Variants in PRDM8 observed in about 807,000 individuals in gnomAD.
The protein encoded by PRDM8 is PR domain zinc finger protein 8.
A neutral mutation model predicts 46.5 loss-of-function variants in PRDM8; 13 were observed. The ratio of observed to expected loss-of-function variants is 0.28; its 90% CI spans 0.18 to 0.44. The LOEUF is 0.44. Among genes scored for constraint, PRDM8 ranks in the 20% least tolerant of loss-of-function variants. PRDM8 has a pLI of 1.00. For missense variants in PRDM8, 998 were observed against 955.0 expected (o/e 1.04, Z -0.59); for synonymous variants, 473 against 438.4 (o/e 1.08, Z -0.98).
At chr4:80,196,730 G>GAA (rs952025261), upstream of PRDM8, 1 of 884,212 alleles carries the variant, frequency 1.1e-6, no homozygotes, top group Non-Finnish European at 1.4e-6. Flanking sequence ...AAAACCCCAC[G>GAA]AAAACAAAAA....
Position 80,203,581 on chromosome 4 carries a change from A to G in PRDM8, c.*49A>G. ...ACGCGCGCGCAAGCACAGTTAAGCC[A>G]CCTGCAGGAATAAACACGCGAGAAC... is the stretch of plus-strand genomic sequence containing the variant. On this transcript the variant is annotated 3_prime_UTR_variant, in exon 4 of 4. Transcript: ENST00000415738. 6.5e-7 allele frequency: 1 copy of G among 1,534,704 alleles called. No individual in the cohort carries two copies. The highest frequency in any genetic ancestry group is 1.2e-5 in the South Asian group (1 of 80,532).
chr4:80,189,729 G>GTA (rs1350691591), intron 1 of PRDM8: 1 of 152,224 alleles, frequency 6.6e-6, no homozygotes, highest in African/African-American at 2.4e-5. Context: ...AAAGACTGAA[G>GTA]TATAGACCAG....
chr4:80,190,284 T>C (rs1316283356), intron 1 of PRDM8: 2 of 152,256 alleles, frequency 1.3e-5, no homozygotes, highest in Non-Finnish European at 2.9e-5. Flanking sequence ...ATGGCACTAA[T>C]TGCCGGTGGA....
chr4:80,203,220 C>CGCTGCCGCT lies in PRDM8; in HGVS notation c.1761_1769dup (p.Ala596_Ala598dup). 1 of 1,552,846 alleles carries CGCTGCCGCT rather than the reference C, an allele frequency of 6.4e-7. No homozygotes were observed. Reference sequence around the variant, plus strand: ...CCACCGCCTTCTGGCCCAAGAGCTCCGCTGCCGCTGCAGCCGCGGCTGCGG... The same window carrying CGCTGCCGCT: ...CCACCGCCTTCTGGCCCAAGAGCTCCGCTGCCGCTGCTGCCGCTGCAGCCGCGGCTGCGG... On this transcript the variant is annotated inframe_insertion, in exon 4 of 4. Transcript: ENST00000415738.
chr4:80,186,435 G>GAGAGAGAGAGAGAGAGAGAA, intron 1 of PRDM8, among the ~76,000 whole-genome samples: 2 of 151,088 alleles, frequency 1.3e-5, no homozygotes, highest in Non-Finnish European at 1.5e-5. Flanking sequence ...AGGGTGGAGA[G>GAGAGAGAGAGAGAGAGAGAA]AGAGAGAGAG....
intron 1 of PRDM8, among the ~76,000 whole-genome samples, chr4:80,186,053 G>T (rs920665825): frequency 6.6e-6 from 1 of 152,180 alleles, no homozygotes; most frequent in Non-Finnish European, 1.5e-5. Context: ...TGAATGGAGA[G>T]ATCCACTCTG....
upstream of PRDM8, chr4:80,194,007 T>G (rs1452291678): frequency 6.5e-6 from 1 of 152,748 alleles, no homozygotes; most frequent in East Asian, 1.9e-4. Context: ...GTTGAAATAT[T>G]TTGGGCTCCA....
At position 80,197,573 on chromosome 4, in the gene PRDM8, A is replaced by AC. The variant is rs1212246764; in HGVS notation, c.-186dup. On this transcript the variant is annotated 5_prime_UTR_variant, in exon 1 of 4. Coordinates refer to ENST00000415738, the MANE Select transcript of PRDM8 (RefSeq NM_001099403.2). ...TCTCTCTCCCTCCCTCCCTCCCTCC[A>AC]CCCCCCCAATCTTTTTCTCCCCATC... 6.5e-4 allele frequency: 229 copies of AC among 354,448 alleles called. No homozygotes were observed. The highest frequency in any genetic ancestry group is 3.6e-3 in the African/African-American group (70 of 19,686). 22.0% of individuals were successfully genotyped at this position (354,448 alleles called of 1,614,324 possible).
At chr4:80,198,802 A>C (rs1377382187) in intron 1 of PRDM8, among the ~76,000 whole-genome samples, 1 of 152,142 alleles carries the variant, frequency 6.6e-6, no homozygotes, top group Non-Finnish European at 1.5e-5. Context: ...TTGCAGGAAA[A>C]GAATTAGATC....
In PRDM8 at chr4:80,203,427, G is replaced by A; in HGVS notation, c.1965G>A (p.Glu655=). ...ACCACAAAAAGGAGTATGCGATGGA[G>A]CCCTTGGTGAAGCGGCGGCGAGAGG... The part of the protein sequence containing the change: ...RSHHKKEYAM[E]PLVKRRREEK... Residue 655 remains glutamate (E), a synonymous_variant, in exon 4 of 4, where the codon GAG becomes GAA. Coordinates refer to ENST00000415738, the MANE Select transcript of PRDM8 (RefSeq NM_001099403.2). The A allele has an allele frequency of 6.2e-7, 1 of 1,613,662 alleles. No homozygotes were observed. Among genetic ancestry groups the A allele is most frequent in the Non-Finnish European group, 8.5e-7 (1 of 1,179,876 alleles).
intron 1 of PRDM8, among the ~76,000 whole-genome samples, chr4:80,189,320 T>A (rs570329858): frequency 5.9e-5 from 9 of 151,686 alleles, no homozygotes; most frequent in Non-Finnish European, 1.3e-4. Context: ...CTACCAGGCC[T>A]AAAGAAAGAA....
intron 1 of PRDM8, among the ~76,000 whole-genome samples, chr4:80,188,055 G>T (rs1274508428): frequency 6.6e-6 from 1 of 152,110 alleles, no homozygotes; most frequent in East Asian, 1.9e-4. Context: ...AGGAGGACCC[G>T]CATTCAGCTT....
Position 80,203,250 on chromosome 4 carries a change from G to GGCC in PRDM8, c.1791_1793dup (p.Ala598dup). On this transcript the variant is annotated inframe_insertion, in exon 4 of 4. Coordinates refer to ENST00000415738, the MANE Select transcript of PRDM8 (RefSeq NM_001099403.2). ...CCGCTGCAGCCGCGGCTGCGGCGGCGGCCGCGGGGCCCTTGCAGCTGCAGC... is the reference window on the plus strand; with the variant it reads ...CCGCTGCAGCCGCGGCTGCGGCGGCGGCCGCCGCGGGGCCCTTGCAGCTGCAGC... 1 of 1,557,330 alleles carries GGCC rather than the reference G, an allele frequency of 6.4e-7. No homozygotes were observed. The highest frequency in any genetic ancestry group is 8.7e-7 in the Non-Finnish European group (1 of 1,154,582).
chr4:80,201,991 C>T lies in PRDM8; in HGVS notation c.529C>T (p.Arg177Cys), dbSNP rs1292791719. The change falls in exon 4 of 4, where the codon CGC becomes TGC. Residue 177 changes from arginine (R) to cysteine (C), a missense_variant. Transcript: ENST00000415738. ...CCCCTATGTGGCGCATCTGCGTTTC[C>T]GCTGCCCCAAGAGACTTCACAGCGC... ...EFPYVAHLRF[R>C]CPKRLHSADI... 2 of 1,614,088 alleles carry T rather than the reference C, an allele frequency of 1.2e-6. No homozygotes were observed. The highest frequency in any genetic ancestry group is 8.5e-7 in the Non-Finnish European group (1 of 1,180,016).
chr4:80,202,883 G>T lies in PRDM8; in HGVS notation c.1421G>T (p.Gly474Val). 7.7e-7 allele frequency: 1 copy of T among 1,290,828 alleles called. No individual in the cohort carries two copies. Among genetic ancestry groups the T allele is most frequent in the Non-Finnish European group, 9.7e-7 (1 of 1,028,204 alleles). 80.0% of individuals were successfully genotyped at this position (1,290,828 alleles called of 1,614,324 possible). The change falls in exon 4 of 4, where the codon GGT (glycine) becomes GTT (valine). Residue 474 changes from glycine (G) to valine (V), a missense_variant. Transcript: ENST00000415738. ...CTGGGCAGCGCGGGCAGCACCAGCG[G>T]TGGGGGCGGAACGGGCGCCGGGGCC... is the stretch of plus-strand genomic sequence containing the variant. ...PQLGSAGSTS[G>V]GGGTGAGAAG...
In PRDM8 at chr4:80,202,677, C is replaced by T. The variant is rs1560478454; in HGVS notation, c.1215C>T (p.Asp405=). 8 of 1,430,224 alleles carry T rather than the reference C, an allele frequency of 5.6e-6. No homozygotes were observed. Among genetic ancestry groups the T allele is most frequent in the East Asian group, 2.9e-5 (1 of 34,884 alleles). The allele number at this position is 1,430,224 out of a possible 1,614,324, so 88.6% of individuals were successfully genotyped here. A position where few individuals can be genotyped will look rare whatever the true frequency, so the allele number is the denominator to read the frequency against. The change falls in exon 4 of 4, where the codon GAC becomes GAT. Residue 405 remains aspartate, a synonymous_variant. Transcript: ENST00000415738. ...GCCTGCAGGAGGAGGGGACAGCCGACGGCGCGGGAGTCGCCTCCGAGGACC... is the reference window on the plus strand; with the variant it reads ...GCCTGCAGGAGGAGGGGACAGCCGATGGCGCGGGAGTCGCCTCCGAGGACC... ...AASLQEEGTA[D]GAGVASEDQD...
Position 80,197,750 on chromosome 4 carries a change from T to G in PRDM8, c.-16T>G, listed in dbSNP as rs554948746. 1 of 985,206 alleles carries G rather than the reference T, an allele frequency of 1.0e-6. No individual in the cohort carries two copies. The highest frequency in any genetic ancestry group is 1.2e-6 in the Non-Finnish European group (1 of 829,360). 61.0% of individuals were successfully genotyped at this position (985,206 alleles called of 1,614,324 possible). A position where few individuals can be genotyped will look rare whatever the true frequency, so the allele number is the denominator to read the frequency against. On this transcript the variant is annotated 5_prime_UTR_variant, in exon 1 of 4. Transcript: ENST00000415738. Reference sequence around the variant, plus strand: ...TGGCCTTATTTGGGAGATTCTATACTGACCTTATTCCTGGTAAGTCTATTT... The same window carrying G: ...TGGCCTTATTTGGGAGATTCTATACGGACCTTATTCCTGGTAAGTCTATTT...
At chr4:80,191,142 G>A (rs1007014435) in intron 1 of PRDM8, among the ~76,000 whole-genome samples, 2 of 152,184 alleles carry the variant, frequency 1.3e-5, no homozygotes, top group African/African-American at 4.8e-5. Context: ...CTACTTAATG[G>A]ACAAGCATCC....
At chr4:80,199,727 G>GTA (rs1738284802) in intron 1 of PRDM8, among the ~76,000 whole-genome samples, 1 of 140,206 alleles carries the variant, frequency 7.1e-6, no homozygotes, top group African/African-American at 2.7e-5. Context: ...GTGTGTGTGT[G>GTA]TGTGTGTGTG....
Sources: gnomAD v4.1 joint callset for allele counts (sites outside exome capture counted in the v4.1 genomes callset) on GRCh38, gnomAD v4.1.1 for gene constraint, MANE v1.5 for transcripts, NCBI Gene and HGNC (gene_info 2026-07-23, HGNC 2026-07-21) for gene names.